ZNF57: variants seen among roughly 807,000 people sequenced by gnomAD.
ZNF57 encodes zinc finger protein 424.
A neutral mutation model predicts 13.4 loss-of-function variants in ZNF57; 11 were observed. That is an observed-to-expected ratio of 0.82 (90% CI 0.52 to 1.36). The LOEUF is 1.36. Among genes scored for constraint, ZNF57 ranks in the 40% most tolerant of loss-of-function variants. The probability of loss-of-function intolerance (pLI) is 0.00; values close to 1 mark genes in which losing one functional copy is unlikely to be tolerated. For missense variants in ZNF57, 696 were observed against 667.5 expected, an observed-to-expected ratio of 1.04 and a Z score of -0.47; for synonymous variants, 224 against 238.5, an observed-to-expected ratio of 0.94 and a Z score of 0.56.
chr19:2,905,565 C>T (rs1411532061), intron 1 of ZNF57, among the ~76,000 whole-genome samples: 1 of 151,400 alleles, frequency 6.6e-6, no homozygotes, highest in African/African-American at 2.4e-5. Context: ...GAGATCGAGA[C>T]CATCCTGGCT....
At chr19:2,910,565 A>G (rs1286903450) in intron 1 of ZNF57, among the ~76,000 whole-genome samples, 2 of 98,200 alleles carry the variant, frequency 2.0e-5, no homozygotes, top group Non-Finnish European at 4.3e-5. Flanking sequence ...GGTTCACGCC[A>G]TTCTCCTGCC....
chr19:2,903,871 T>G (rs1461083856), intron 1 of ZNF57, among the ~76,000 whole-genome samples: 1 of 151,864 alleles, frequency 6.6e-6, no homozygotes, highest in Non-Finnish European at 1.5e-5. Flanking sequence ...GACCGCCACC[T>G]CGCCCGGCTA....
intron 1 of ZNF57, among the ~76,000 whole-genome samples, chr19:2,902,839 C>G (rs899522803): frequency 6.6e-5 from 10 of 152,156 alleles, no homozygotes; most frequent in Non-Finnish European, 1.3e-4. Context: ...AACTCCCTTC[C>G]CCCACTTACA....
rs184508498 is a variant in ZNF57 at position 2,917,615 on chromosome 19, G to A, written c.994G>A (p.Gly332Arg). The A allele has an allele frequency of 2.3e-4, 367 of 1,613,454 alleles. 2 individuals are homozygous for A. Among genetic ancestry groups the A allele is most frequent in the South Asian group, 2.0e-3 (186 of 91,042 alleles). The change falls in exon 4 of 4, where the codon GGG becomes AGG. Residue 332 changes from glycine to arginine, a missense_variant. Gly to Arg is a moderately radical substitution (Grantham distance 125, BLOSUM62 -2). Coordinates refer to ENST00000306908, the MANE Select transcript of ZNF57 (RefSeq NM_173480.3). ...TLRVHMRIHTGDKLYKCEHCG... is the reference protein window; with the variant it reads ...TLRVHMRIHTRDKLYKCEHCG... Reference sequence around the variant, plus strand: ...GCGAGTCCACATGAGGATCCACACTGGGGACAAACTCTATAAATGTGAACA... The same window carrying A: ...GCGAGTCCACATGAGGATCCACACTAGGGACAAACTCTATAAATGTGAACA...
chr19:2,911,530 C>G (rs924846106), intron 1 of ZNF57, among the ~76,000 whole-genome samples: 1 of 104,686 alleles, frequency 9.6e-6, no homozygotes, highest in Admixed American at 1.0e-4. Context: ...GAGAGTCTGT[C>G]TCAAAAACAA....
chr19:2,914,238 C>A (rs2088168147), intron 1 of ZNF57, among the ~76,000 whole-genome samples: 1 of 152,038 alleles, frequency 6.6e-6, no homozygotes. Context: ...TTTTAATTAT[C>A]CATTTCTTTT....
At chr19:2,901,135 G>T (rs2088025557) in intron 1 of ZNF57, 87 bp downstream of exon 1, 3 of 1,459,502 alleles carry the variant, frequency 2.1e-6, no homozygotes, top group Admixed American at 4.6e-5. Context: ...CTGCGGCCGG[G>T]ATTGGCTGAG....
chr19:2,906,148 C>T (rs533662019), intron 1 of ZNF57, among the ~76,000 whole-genome samples: 4 of 152,274 alleles, frequency 2.6e-5, no homozygotes, highest in South Asian at 4.1e-4. Context: ...CAAACTCCTG[C>T]ACTCAAGCGA....
rs2088211336 is a variant in ZNF57, at chr19:2,917,228, C to T, written c.607C>T (p.Gln203Ter). ...GCCGTATAAGTGTCAAGCATGTGGG[C>T]AAACTTTCCAACATCCTCGTTACCT... ...EKPYKCQACG[Q>*]TFQHPRYLSH... Residue 203 changes from glutamine (Q) to a stop codon, truncating the protein, a stop_gained, in exon 4 of 4, where the codon CAA becomes TAA. Transcript: ENST00000306908. LOFTEE classifies it low-confidence loss of function (END_TRUNC). 3 of 1,614,036 alleles carry T rather than the reference C, an allele frequency of 1.9e-6. No homozygotes were observed. Among genetic ancestry groups the T allele is most frequent in the Non-Finnish European group, 2.5e-6 (3 of 1,180,044 alleles).
intron 1 of ZNF57, among the ~76,000 whole-genome samples, chr19:2,913,894 A>G (rs6510721): frequency 0.85 from 130,087 of 152,202 alleles, 55,933 homozygotes; most frequent in Middle Eastern, 0.91. Flanking sequence ...ATCTGCCTTG[A>G]TCTCCCAAAA....
intron 1 of ZNF57, among the ~76,000 whole-genome samples, chr19:2,914,591 C>A (rs138236928): frequency 6.6e-6 from 1 of 152,164 alleles, no homozygotes; most frequent in African/African-American, 2.4e-5. Flanking sequence ...TCTAATGAAA[C>A]CTTTCAGTTG....
Position 2,917,912 on chromosome 19 carries a change from T to C in ZNF57, c.1291T>C (p.Trp431Arg). The C allele has an allele frequency of 2.5e-6, 4 of 1,613,986 alleles. No homozygotes were observed. The highest frequency in any genetic ancestry group is 3.4e-6 in the Non-Finnish European group (4 of 1,179,994). The change falls in exon 4 of 4, where the codon TGG becomes CGG. Residue 431 changes from tryptophan to arginine, a missense_variant. Physicochemically the swap from Trp to Arg is moderately radical, Grantham distance 101. Around this residue, in one of 3 missense-constraint regions of ZNF57, gnomAD observed 645 missense variants for 591.5 expected, o/e 1.09. Coordinates refer to ENST00000306908, the MANE Select transcript of ZNF57 (RefSeq NM_173480.3). ...TAAACAATGTGGAAAAACCTTCACT[T>C]GGTCCTCAACGTTTAGAGAACATGT... ...ECKQCGKTFT[W>R]SSTFREHVRI...
rs1599607153 is a variant in ZNF57, at chr19:2,918,464, T to C, written c.*175T>C. The C allele has an allele frequency of 1.5e-6, 1 of 679,968 alleles. No homozygotes were observed. The allele number at this position is 679,968 out of a possible 1,614,324, so 42.1% of individuals were successfully genotyped here. A position where few individuals can be genotyped will look rare whatever the true frequency, so the allele number is the denominator to read the frequency against. The stretch of plus-strand genomic sequence containing the variant: ...CAGCTCTTTCAAAAATAAATGTTTA[T>C]GTGAGAAAATAATTCTCTAAGTCCT... On this transcript the variant is annotated 3_prime_UTR_variant, in exon 4 of 4. Coordinates refer to ENST00000306908, the MANE Select transcript of ZNF57 (RefSeq NM_173480.3).
intron 1 of ZNF57, among the ~76,000 whole-genome samples, chr19:2,902,317 C>T (rs2088037303): frequency 1.3e-5 from 2 of 152,090 alleles, no homozygotes; most frequent in African/African-American, 4.8e-5. Context: ...AGTAAATGTA[C>T]TGTACTGTTC....
intron 1 of ZNF57, among the ~76,000 whole-genome samples, chr19:2,906,439 G>A (rs558514994): frequency 6.6e-6 from 1 of 152,364 alleles, no homozygotes; most frequent in Non-Finnish European, 1.5e-5. Context: ...GAACACTGAA[G>A]ACAGAGCAAG....
At chr19:2,904,330 T>A (rs1429303565) in intron 1 of ZNF57, among the ~76,000 whole-genome samples, 1 of 152,124 alleles carries the variant, frequency 6.6e-6, no homozygotes, top group Non-Finnish European at 1.5e-5. Flanking sequence ...TCAAGTGTGT[T>A]CATTTATTTT....
At chr19:2,903,197 G>C (rs2088043658) in intron 1 of ZNF57, among the ~76,000 whole-genome samples, 1 of 152,194 alleles carries the variant, frequency 6.6e-6, no homozygotes, top group African/African-American at 2.4e-5. Flanking sequence ...TTTCTAAGCA[G>C]TGGGTTTAGT....
Position 2,917,814 on chromosome 19 carries a change from G to T in ZNF57, c.1193G>T (p.Gly398Val). Residue 398 changes from glycine (G) to valine (V), a missense_variant, in exon 4 of 4, where the codon GGG becomes GTG. Coordinates refer to ENST00000306908, the MANE Select transcript of ZNF57 (RefSeq NM_173480.3). Reference protein sequence around the residue: ...QEQLYKCEQCGKAFTSSRSFR... With the variant: ...QEQLYKCEQCVKAFTSSRSFR... ...CAGCTCTATAAATGTGAACAATGTGGGAAGGCTTTTACCTCTTCCAGATCA... is the reference window on the plus strand; with the variant it reads ...CAGCTCTATAAATGTGAACAATGTGTGAAGGCTTTTACCTCTTCCAGATCA... 6.2e-7 allele frequency: 1 copy of T among 1,604,336 alleles called. No individual in the cohort carries two copies. Among genetic ancestry groups the T allele is most frequent in the South Asian group, 1.1e-5 (1 of 89,084 alleles).
In ZNF57 at chr19:2,904,510, G is replaced by GT. The variant is rs753531977; in HGVS notation, c.3+3470dup. On this transcript the variant is annotated intron_variant, in intron 1 of 3. Coordinates refer to ENST00000306908, the MANE Select transcript of ZNF57 (RefSeq NM_173480.3). ...GTGTGCACCACCACACCCAGCCAAA[G>GT]TTTTTTTTGTTTGTTTCTTTGTTTT... Among the ~76,000 whole-genome samples, 24 of 151,564 alleles carry GT rather than the reference G, an allele frequency of 1.6e-4. 1 individual carries two copies. Among genetic ancestry groups the GT allele is most frequent in the African/African-American group, 4.6e-4 (19 of 41,226 alleles).
Sources: gnomAD v4.1 joint callset for allele counts (sites outside exome capture counted in the v4.1 genomes callset) on GRCh38, gnomAD v4.1.1 for gene constraint, gnomAD v4.1.1 regional missense constraint, MANE v1.5 for transcripts, NCBI Gene and HGNC (gene_info 2026-07-23, HGNC 2026-07-21) for gene names.